ZMYND8: variants seen among roughly 807,000 people sequenced by gnomAD.
The protein encoded by ZMYND8 is MYND-type zinc finger-containing chromatin reader ZMYND8.
In ZMYND8, 37 loss-of-function variants were observed where a neutral mutation model predicts 140.8. The observed-to-expected ratio is 0.26, with a 90% CI of 0.20 to 0.35. The LOEUF (loss-of-function observed/expected upper bound fraction) is 0.35, where lower values mean the gene tolerates loss of function less well. Among genes scored for constraint, ZMYND8 ranks in the 10% least tolerant of loss-of-function variants. The pLI is 1.00. For synonymous variants in ZMYND8, 592 were observed against 597.1 expected (o/e 0.99, Z 0.12); for missense variants, 1,068 against 1,570.0 (o/e 0.68, Z 5.40).
chr20:47,314,157 T>C (rs2079186568), intron 2 of ZMYND8, among the ~76,000 whole-genome samples: 1 of 152,078 alleles, frequency 6.6e-6, no homozygotes, highest in Admixed American at 6.6e-5. Context: ...TTTTCCACTC[T>C]ATACCCTTGT....
At chr20:47,244,411 A>G (rs1000113342) in intron 14 of ZMYND8, among the ~76,000 whole-genome samples, 35 of 152,224 alleles carry the variant, frequency 2.3e-4, no homozygotes, top group African/African-American at 8.0e-4. Context: ...CTAATTGCCA[A>G]GCCAACTCAA....
In ZMYND8 at chr20:47,209,787, G is replaced by A. The variant is rs930762326; in HGVS notation, c.*974C>T. On this transcript the variant is annotated 3_prime_UTR_variant, in exon 23 of 23. Coordinates refer to ENST00000471951, the MANE Select transcript of ZMYND8 (RefSeq NM_001281775.3). ...TTCTCTCATACTGCCTGTGTTTCAT[G>A]CTTACATAAAAACGTGAAATTCCAT... 2.6e-5 allele frequency: 4 copies of A among 152,598 alleles called. No homozygotes were observed. The highest frequency in any genetic ancestry group is 4.4e-5 in the Non-Finnish European group (3 of 68,022). The allele number at this position is 152,598 out of a possible 1,614,324, so 9.5% of individuals were successfully genotyped here.
In ZMYND8 at chr20:47,276,435, G is replaced by C; in HGVS notation, c.1359C>G (p.Pro453=). Residue 453 remains proline, a synonymous_variant, in exon 11 of 23, where the codon CCC becomes CCG. Transcript: ENST00000471951. ...TGTGCACAGAAGAGTTTGTGCTCAT[G>C]GGGGAGCGCGGCATATCCGACAAGG... ...RISLSDMPRS[P]MSTNSSVHTG... is the part of the protein sequence containing the mutation. 2 of 1,614,124 alleles carry C rather than the reference G, an allele frequency of 1.2e-6. No homozygotes were observed. Among genetic ancestry groups the C allele is most frequent in the Non-Finnish European group, 8.5e-7 (1 of 1,179,998 alleles).
At chr20:47,252,725 C>T (rs1480664393) in intron 12 of ZMYND8, among the ~76,000 whole-genome samples, 1 of 152,078 alleles carries the variant, frequency 6.6e-6, no homozygotes, top group African/African-American at 2.4e-5. Context: ...TTGAGACCAG[C>T]CTGGGCAACA....
intron 3 of ZMYND8, among the ~76,000 whole-genome samples, chr20:47,304,202 G>C (rs1431918219): frequency 6.6e-6 from 1 of 152,196 alleles, no homozygotes. Flanking sequence ...CTGCAGAAGA[G>C]AAAATGTTCT....
At chr20:47,240,063 C>G (rs2039754261) in intron 14 of ZMYND8, among the ~76,000 whole-genome samples, 1 of 151,752 alleles carries the variant, frequency 6.6e-6, no homozygotes, top group Admixed American at 6.6e-5. Flanking sequence ...ATGGGGAAAC[C>G]CCGTCTCTAT....
At chr20:47,293,460 C>A (rs191681051) in intron 5 of ZMYND8, among the ~76,000 whole-genome samples, 5 of 152,266 alleles carry the variant, frequency 3.3e-5, no homozygotes, top group Non-Finnish European at 5.9e-5. Context: ...ACCCTTCCCC[C>A]ACATGCAGAT....
At chr20:47,343,055 G>A (rs529934069) in intron 2 of ZMYND8, among the ~76,000 whole-genome samples, 1 of 152,214 alleles carries the variant, frequency 6.6e-6, no homozygotes, top group East Asian at 1.9e-4. Flanking sequence ...CAAAGTGGTA[G>A]GATCACTTGA....
chr20:47,290,230 A>G lies in ZMYND8; in HGVS notation c.705T>C (p.Ala235=). ...KMYGCTEAFL[A]DAKWILHNCI... ...AGTTGTGCAAAATCCACTTTGCATC[A>G]GCCAGGAAGGCTTCTGTGCAGCCAT... Residue 235 remains alanine, a synonymous_variant, in exon 7 of 23, where the codon GCT becomes GCC. Coordinates refer to ENST00000471951, the MANE Select transcript of ZMYND8 (RefSeq NM_001281775.3). 1.2e-6 allele frequency: 2 copies of G among 1,613,596 alleles called. No individual in the cohort carries two copies. Among genetic ancestry groups the G allele is most frequent in the Non-Finnish European group, 1.7e-6 (2 of 1,179,826 alleles).
In ZMYND8 at chr20:47,298,788, C is replaced by T. The variant is rs746388154; in HGVS notation, c.394G>A (p.Ala132Thr). 21 of 1,614,010 alleles carry T rather than the reference C, an allele frequency of 1.3e-5. No individual in the cohort carries two copies. Among genetic ancestry groups the T allele is most frequent in the South Asian group, 3.3e-5 (3 of 91,070 alleles). ...CCELCPRVYH[A>T]KCLRLTSEPE... ...TCCGATGTCAGTCTCAGACACTTAG[C>T]GTGATAAACCCGGGGACAGAGCTCA... is the stretch of plus-strand genomic sequence containing the variant. Residue 132 changes from alanine to threonine, a missense_variant, in exon 4 of 23, where the codon GCT becomes ACT. Ala to Thr is a moderately conservative substitution (Grantham distance 58, BLOSUM62 0). Transcript: ENST00000471951. This position sits in a 1 kb window ranked among gnomAD's most constrained non-coding sequence, Gnocchi z 5.0.
intron 2 of ZMYND8, among the ~76,000 whole-genome samples, chr20:47,340,452 T>G (rs1434522260): frequency 1.3e-5 from 2 of 150,966 alleles, no homozygotes; most frequent in African/African-American, 4.9e-5. Context: ...GAATAACCAC[T>G]GCACTACACT....
chr20:47,279,467 G>A (rs1237912836), intron 10 of ZMYND8, among the ~76,000 whole-genome samples: 1 of 151,432 alleles, frequency 6.6e-6, no homozygotes, highest in Non-Finnish European at 1.5e-5. Context: ...ACAAGCCTGG[G>A]TGACAGAGCA....
At chr20:47,297,357 T>C (rs986774412) in intron 4 of ZMYND8, among the ~76,000 whole-genome samples, 19 of 152,190 alleles carry the variant, frequency 1.2e-4, no homozygotes, top group African/African-American at 2.7e-4. Context: ...ACTAAAGACA[T>C]CTGGATGATC....
At chr20:47,250,553 T>C (rs2074088826) in intron 12 of ZMYND8, among the ~76,000 whole-genome samples, 2 of 152,184 alleles carry the variant, frequency 1.3e-5, no homozygotes, top group Non-Finnish European at 2.9e-5. Context: ...GTGCTTCATC[T>C]CCCTGCTCCC....
intron 3 of ZMYND8, among the ~76,000 whole-genome samples, chr20:47,306,627 G>A (rs1240579363): frequency 6.7e-6 from 1 of 149,642 alleles, no homozygotes; most frequent in Non-Finnish European, 1.5e-5. Flanking sequence ...CTGCAGTGTG[G>A]TGACACGATC....
At chr20:47,280,470 G>A (rs941865358) in intron 10 of ZMYND8, among the ~76,000 whole-genome samples, 10 of 152,186 alleles carry the variant, frequency 6.6e-5, no homozygotes, top group South Asian at 2.1e-4. Context: ...CTCACACGCC[G>A]TCCTTCATGC....
chr20:47,310,030 G>T, intron 3 of ZMYND8, 26 bp downstream of exon 3: 1 of 1,614,016 alleles, frequency 6.2e-7, no homozygotes, highest in Non-Finnish European at 8.5e-7. Flanking sequence ...CACCAGTGAG[G>T]ACACCGTTCC....
intron 2 of ZMYND8, among the ~76,000 whole-genome samples, chr20:47,310,904 A>G (rs1249843712): frequency 3.3e-5 from 5 of 151,466 alleles, no homozygotes; most frequent in Non-Finnish European, 7.4e-5. Flanking sequence ...ACTCTTCCCC[A>G]CTACGTCCCT....
Position 47,210,885 on chromosome 20 carries a change from C to A in ZMYND8, c.3581G>T (p.Ser1194Ile). Residue 1194 changes from serine to isoleucine, a missense_variant, in exon 23 of 23, where the codon AGT becomes ATT. Ser to Ile is a moderately radical substitution (Grantham distance 142, BLOSUM62 -2). This residue lies in a region of ZMYND8 where 180 missense variants were observed against 187.8 expected (regional missense o/e 0.96). Transcript: ENST00000471951. ...ACTGCTGCTCCAACTGGATTTATTACTCCGGGAATGGTCTGAGGGGGAAAA... is the reference window on the plus strand; with the variant it reads ...ACTGCTGCTCCAACTGGATTTATTAATCCGGGAATGGTCTGAGGGGGAAAA... ...NYPAQKYHSR[S>I]NKSSWSSSDE... is the part of the protein sequence containing the mutation. 1 of 1,613,930 alleles carries A rather than the reference C, an allele frequency of 6.2e-7. No individual in the cohort carries two copies. Among genetic ancestry groups the A allele is most frequent in the South Asian group, 1.1e-5 (1 of 91,072 alleles).
Sources: allele counts gnomAD v4.1 joint callset (sites outside exome capture counted in the v4.1 genomes callset), GRCh38; gene constraint gnomAD v4.1.1; regional missense constraint gnomAD v4.1.1; non-coding constraint Gnocchi (gnomAD v3.1); transcripts MANE v1.5; gene names NCBI Gene and HGNC (gene_info 2026-07-23, HGNC 2026-07-21).